FYB2: variants seen among roughly 807,000 people sequenced by gnomAD.
FYB2 encodes FYN-binding protein 2.
FYB2 carries 103 observed loss-of-function variants against 94.1 expected under a neutral mutation model. That is an observed-to-expected ratio of 1.09 (90% CI 0.93 to 1.29). The LOEUF is 1.29. Among genes scored for constraint, FYB2 ranks in the 50% most tolerant of loss-of-function variants. FYB2 has a pLI of 0.00. For missense variants in FYB2, 896 were observed against 841.5 expected (o/e 1.06, Z -0.80); for synonymous variants, 293 against 287.9 (o/e 1.02, Z -0.18).
chr1:56,826,162 A>G, the FYB2 span, among the ~76,000 whole-genome samples: 2 of 152,190 alleles, frequency 1.3e-5, no homozygotes, highest in Non-Finnish European at 2.9e-5. Context: ...CATCCCTTCA[A>G]TCAATGTGGT....
intron 3 of FYB2, 118 bp downstream of exon 3, chr1:56,788,855 G>A (rs755025834): frequency 7.3e-7 from 1 of 1,374,812 alleles, no homozygotes; most frequent in Non-Finnish European, 1.0e-6. Flanking sequence ...ATGAGAATAA[G>A]CAGTGATGGA....
At chr1:56,769,707 A>T (rs1461453410) in intron 4 of FYB2, among the ~76,000 whole-genome samples, 2 of 152,150 alleles carry the variant, frequency 1.3e-5, no homozygotes, top group Non-Finnish European at 2.9e-5. Context: ...AGAATATTTA[A>T]CTTCTAAACT....
At chr1:56,730,114 C>T (rs1372629720) in intron 15 of FYB2, among the ~76,000 whole-genome samples, 1 of 150,632 alleles carries the variant, frequency 6.6e-6, no homozygotes, top group South Asian at 2.1e-4. Flanking sequence ...TGATTTGTCT[C>T]AAAGAATTAG....
At chr1:56,805,402 T>G (rs894640708) in intron 1 of FYB2, among the ~76,000 whole-genome samples, 8 of 152,234 alleles carry the variant, frequency 5.3e-5, no homozygotes, top group African/African-American at 1.9e-4. Context: ...AAGGTGCTTA[T>G]TATGTTAATG....
At position 56,737,080 on chromosome 1, in the gene FYB2, T is replaced by G; in HGVS notation, c.1793+7A>C. ...AGCAGGGATGACCAATAAGGTAAAT[T>G]ACTTACTTTGACTCTTTTTCACTCA... On this transcript the variant is annotated splice_region_variant and intron_variant, in intron 15 of 19. Coordinates refer to ENST00000343433, the MANE Select transcript of FYB2 (RefSeq NM_001004303.5). 1 of 1,587,790 alleles carries G rather than the reference T, an allele frequency of 6.3e-7. No individual in the cohort carries two copies. The highest frequency in any genetic ancestry group is 8.6e-7 in the Non-Finnish European group (1 of 1,158,908).
the FYB2 span, chr1:56,826,694 A>T: frequency 1.3e-5 from 2 of 152,210 alleles, no homozygotes; most frequent in African/African-American, 4.8e-5. Context: ...TCATCCCATA[A>T]TTGGTCTTGC....
chr1:56,807,424 G>A (rs1451506399), intron 1 of FYB2, among the ~76,000 whole-genome samples: 1 of 152,170 alleles, frequency 6.6e-6, no homozygotes, highest in African/African-American at 2.4e-5. Context: ...GGTTTTACAG[G>A]TGTTAGATGT....
chr1:56,736,252 T>C (rs945221416), intron 15 of FYB2, among the ~76,000 whole-genome samples: 6 of 152,054 alleles, frequency 3.9e-5, no homozygotes, highest in Non-Finnish European at 7.4e-5. Flanking sequence ...AAAGGAGTTA[T>C]TAGTGACCTT....
intron 4 of FYB2, 27 bp downstream of exon 4, chr1:56,787,148 C>T (rs749666875): frequency 5.0e-5 from 81 of 1,613,418 alleles, no homozygotes; most frequent in Non-Finnish European, 6.9e-5. Context: ...GGCTACGTTC[C>T]TACACAACTA....
In FYB2 at chr1:56,729,499, C is replaced by T. The variant is rs1644656975; in HGVS notation, c.1794-2916G>A. Among the ~76,000 whole-genome samples, 2 of 152,118 alleles carry T rather than the reference C, an allele frequency of 1.3e-5. 1 individual carries two copies. The highest frequency in any genetic ancestry group is 4.8e-5 in the African/African-American group (2 of 41,442). ...GGGGCTCCATCTTCAGTGGACCCAA[C>T]ACTGGAGCACCCAGATATATAAAGC... is the stretch of plus-strand genomic sequence containing the variant. On this transcript the variant is annotated intron_variant, in intron 15 of 19. Transcript: ENST00000343433.
chr1:56,792,620 A>G lies in FYB2; in HGVS notation c.193T>C (p.Tyr65His), dbSNP rs756308362. The change falls in exon 2 of 20, where the codon TAC becomes CAC. Residue 65 changes from tyrosine to histidine, a missense_variant. By Grantham distance (83) the Tyr-to-His change is moderately conservative. Transcript: ENST00000343433. Reference sequence around the variant, plus strand: ...GGCTGGGACTCACTACTGGAACAGTATGGTGTGCGCTGCTTGTGGTTGGAT... The same window carrying G: ...GGCTGGGACTCACTACTGGAACAGTGTGGTGTGCGCTGCTTGTGGTTGGAT... ...LSSNHKQRTP[Y>H]CSSSESQPLQ... 6.2e-7 allele frequency: 1 copy of G among 1,614,078 alleles called. No homozygotes were observed. The highest frequency in any genetic ancestry group is 8.5e-7 in the Non-Finnish European group (1 of 1,180,014).
At chr1:56,747,276 T>C (rs2100657362) in intron 9 of FYB2, among the ~76,000 whole-genome samples, 1 of 152,020 alleles carries the variant, frequency 6.6e-6, no homozygotes, top group South Asian at 2.1e-4. Flanking sequence ...TATTTTACTT[T>C]AAGTTCTGAG....
intron 4 of FYB2, among the ~76,000 whole-genome samples, chr1:56,785,811 T>C (rs2100929916): frequency 6.6e-6 from 1 of 152,324 alleles, no homozygotes; most frequent in East Asian, 1.9e-4. Flanking sequence ...TTCAAATGTT[T>C]CCTCTTCGGG....
chr1:56,774,779 G>C lies in FYB2; in HGVS notation c.954-6841C>G, dbSNP rs546158482. On this transcript the variant is annotated intron_variant, in intron 4 of 19. Coordinates refer to ENST00000343433, the MANE Select transcript of FYB2 (RefSeq NM_001004303.5). The stretch of plus-strand genomic sequence containing the variant: ...TTGAGTCAATGGACTGGGAGAGGAA[G>C]ACCCACCCTTAATCTGTGTGGGCAC... Among the ~76,000 whole-genome samples the C allele has an allele frequency of 7.2e-5, 11 of 152,134 alleles. No individual in the cohort carries two copies. In the East Asian group the frequency reaches 2.1e-3, roughly 30 times the overall value.
chr1:56,723,221 A>ACG (rs1020068389), intron 17 of FYB2, among the ~76,000 whole-genome samples: 4 of 150,804 alleles, frequency 2.7e-5, no homozygotes, highest in Admixed American at 2.0e-4. Context: ...ACACACACAC[A>ACG]CACGCACACA....
At chr1:56,778,076 G>T (rs1017832281) in intron 4 of FYB2, among the ~76,000 whole-genome samples, 3 of 151,916 alleles carry the variant, frequency 2.0e-5, no homozygotes, top group Non-Finnish European at 2.9e-5. Flanking sequence ...AATCACACTG[G>T]CCTCCTGTCT....
At chr1:56,748,772 T>G (rs1645126736) in intron 9 of FYB2, among the ~76,000 whole-genome samples, 1 of 152,026 alleles carries the variant, frequency 6.6e-6, no homozygotes, top group South Asian at 2.1e-4. Context: ...TGACGTTATT[T>G]TGTTGAATTA....
intron 17 of FYB2, among the ~76,000 whole-genome samples, chr1:56,722,663 C>A (rs910625019): frequency 6.6e-6 from 1 of 151,924 alleles, no homozygotes; most frequent in African/African-American, 2.4e-5. Flanking sequence ...GAGGTTCATT[C>A]GAGGGACAGA....
intron 1 of FYB2, among the ~76,000 whole-genome samples, chr1:56,818,917 C>T (rs995106224): frequency 6.6e-6 from 1 of 152,134 alleles, no homozygotes; most frequent in African/African-American, 2.4e-5. Flanking sequence ...ACTGCAGAGG[C>T]CAGATACAGT....
Sources: allele counts gnomAD v4.1 joint callset (sites outside exome capture counted in the v4.1 genomes callset), GRCh38; gene constraint gnomAD v4.1.1; transcripts MANE v1.5; gene names NCBI Gene and HGNC (gene_info 2026-07-23, HGNC 2026-07-21).